The following DAGLA variants were observed in gnomAD, a reference collection of about 807,000 sequenced individuals.
DAGLA encodes the protein diacylglycerol lipase alpha, also known as diacylglycerol lipase-alpha.
DAGLA carries 22 observed loss-of-function variants against 102.6 expected under a neutral mutation model. The observed-to-expected ratio is 0.21, with a 90% CI of 0.15 to 0.31. The LOEUF (loss-of-function observed/expected upper bound fraction) is 0.31, where lower values mean the gene tolerates loss of function less well. Among genes scored for constraint, DAGLA ranks in the 10% least tolerant of loss-of-function variants. The pLI is 1.00. For synonymous variants in DAGLA, 578 were observed against 628.9 expected (o/e 0.92, Z 1.21); for missense variants, 927 against 1,446.6 (o/e 0.64, Z 5.83).
chr11:61,683,299 G>T (rs1224217702), intron 1 of DAGLA, among the ~76,000 whole-genome samples: 2 of 152,128 alleles, frequency 1.3e-5, no homozygotes, highest in African/African-American at 2.4e-5. Context: ...CTATGGACTC[G>T]CCCTGTCCCC....
chr11:61,700,492 G>T (rs2065101039), intron 1 of DAGLA, among the ~76,000 whole-genome samples: 2 of 152,220 alleles, frequency 1.3e-5, no homozygotes, highest in South Asian at 2.1e-4. Context: ...CCTCCTGAGG[G>T]TGTGGCCTGC....
At chr11:61,729,695 G>A (rs1367725266) in intron 8 of DAGLA, among the ~76,000 whole-genome samples, 1 of 152,218 alleles carries the variant, frequency 6.6e-6, no homozygotes, top group African/African-American at 2.4e-5. Flanking sequence ...TGTGCTGAGA[G>A]GACACGAGCC....
At chr11:61,739,883 G>T (rs2065462555) in intron 17 of DAGLA, among the ~76,000 whole-genome samples, 1 of 152,204 alleles carries the variant, frequency 6.6e-6, no homozygotes, top group Non-Finnish European at 1.5e-5. Flanking sequence ...CCATAGTCTG[G>T]CTTTGCCTCC....
At chr11:61,690,277 A>G (rs757293079) in intron 1 of DAGLA, among the ~76,000 whole-genome samples, 2 of 152,216 alleles carry the variant, frequency 1.3e-5, no homozygotes, top group Non-Finnish European at 2.9e-5. Flanking sequence ...TGGAGCAGAT[A>G]ATAGTTTTGC....
In DAGLA at chr11:61,744,183, C is replaced by A; in HGVS notation, c.2823C>A (p.Ser941Arg). The change falls in exon 20 of 20, where the codon AGC (serine) becomes AGA (arginine). Residue 941 changes from serine to arginine, a missense_variant. This residue lies in a region of DAGLA where 434 missense variants were observed against 503.3 expected (regional missense o/e 0.86). Transcript: ENST00000257215. ...TCTACTGCATGGTGGTGCCCGAGAG[C>A]CCCACCAGTGACTACGCTGAGGGCC... is the stretch of plus-strand genomic sequence containing the variant. The part of the protein sequence containing the change: ...QDLYCMVVPE[S>R]PTSDYAEGPK... The A allele has an allele frequency of 6.2e-7, 1 of 1,613,054 alleles. No individual in the cohort carries two copies.
Position 61,722,839 on chromosome 11 carries a change from C to T in DAGLA, c.308-20C>T, listed in dbSNP as rs1308663525. On this transcript the variant is annotated intron_variant, in intron 3 of 19. Transcript: ENST00000257215. ...ATGCAAGTGGCAGCCATCCTTCAGC[C>T]AGGCCTGCTCTCCTTGCAGCCATCC... The T allele has an allele frequency of 6.2e-6, 10 of 1,607,240 alleles. No individual in the cohort carries two copies. The highest frequency in any genetic ancestry group is 8.5e-6 in the Non-Finnish European group (10 of 1,173,902).
At chr11:61,727,794 T>C (rs889472670) in intron 6 of DAGLA, among the ~76,000 whole-genome samples, 2 of 152,146 alleles carry the variant, frequency 1.3e-5, no homozygotes, top group African/African-American at 4.8e-5. Context: ...AGAGAATGGC[T>C]AGAGGAGAAA....
In DAGLA at chr11:61,744,100, G is replaced by A. The variant is rs1242695760; in HGVS notation, c.2740G>A (p.Ala914Thr). Residue 914 changes from alanine to threonine, a missense_variant, in exon 20 of 20, where the codon GCC becomes ACC. Physicochemically the swap from Ala to Thr is moderately conservative, Grantham distance 58. This residue lies in a region of DAGLA where 434 missense variants were observed against 503.3 expected (regional missense o/e 0.86). Coordinates refer to ENST00000257215, the MANE Select transcript of DAGLA (RefSeq NM_006133.3). ...GCCCAGTCCTCAGGTGCTGGAATTC[G>A]CCGAGTTCATCGACAGCCTCTTCAA... The part of the protein sequence containing the change: ...DSPSPQVLEF[A>T]EFIDSLFNLD... 5 of 1,612,944 alleles carry A rather than the reference G, an allele frequency of 3.1e-6. No homozygotes were observed. Among genetic ancestry groups the A allele is most frequent in the Admixed American group, 1.7e-5 (1 of 60,030 alleles).
chr11:61,687,621 C>T (rs2064996054), intron 1 of DAGLA, among the ~76,000 whole-genome samples: 2 of 152,186 alleles, frequency 1.3e-5, no homozygotes, highest in Non-Finnish European at 1.5e-5. Flanking sequence ...GCATGAGCCA[C>T]CGCGCCTGGC....
chr11:61,697,196 T>C (rs1171054531), intron 1 of DAGLA, among the ~76,000 whole-genome samples: 1 of 152,190 alleles, frequency 6.6e-6, no homozygotes, highest in Non-Finnish European at 1.5e-5. Flanking sequence ...GGCTGTTGGC[T>C]GTGCAAATTC....
At chr11:61,717,639 T>C (rs193252245) in intron 1 of DAGLA, among the ~76,000 whole-genome samples, 2 of 152,280 alleles carry the variant, frequency 1.3e-5, no homozygotes, top group East Asian at 3.9e-4. Flanking sequence ...AGAGCCCAGG[T>C]TCAAAACCAG....
rs767766941 is a variant in DAGLA, at chr11:61,741,239, C to T, written c.2061C>T (p.Asp687=). 2 of 1,613,480 alleles carry T rather than the reference C, an allele frequency of 1.2e-6. No homozygotes were observed. Among genetic ancestry groups the T allele is most frequent in the Non-Finnish European group, 1.7e-6 (2 of 1,180,022 alleles). Residue 687 remains aspartate (D), a synonymous_variant, in exon 19 of 20, where the codon GAC becomes GAT. Coordinates refer to ENST00000257215, the MANE Select transcript of DAGLA (RefSeq NM_006133.3). ...AKVMVSPTEV[D]LTPELIFQQQ... ...TCATGGTGAGCCCTACCGAGGTGGACCTGACTCCTGAGCTCATCTTCCAGC... is the reference window on the plus strand; with the variant it reads ...TCATGGTGAGCCCTACCGAGGTGGATCTGACTCCTGAGCTCATCTTCCAGC...
In DAGLA at chr11:61,739,491, A is replaced by C; in HGVS notation, c.1683A>C (p.Lys561Asn). ...GGCGGATCATCGTGGGGGCCACCAA[A>C]TGCATCCCCAAGTCGGAGCTGCCTG... ...PKWRIIVGAT[K>N]CIPKSELPEE... Residue 561 changes from lysine to asparagine, a missense_variant, in exon 17 of 20, where the codon AAA (lysine) becomes AAC (asparagine). Coordinates refer to ENST00000257215, the MANE Select transcript of DAGLA (RefSeq NM_006133.3). The C allele has an allele frequency of 6.2e-7, 1 of 1,613,704 alleles. No individual in the cohort carries two copies. The highest frequency in any genetic ancestry group is 1.1e-5 in the South Asian group (1 of 91,054).
chr11:61,744,500 G>A lies in DAGLA; in HGVS notation c.*11G>A. ...ATCTCAGCACGCTAGCACCCCAGTT[G>A]CGTGGCCAGCCGGGCCCAGGCAGGA... On this transcript the variant is annotated 3_prime_UTR_variant, in exon 20 of 20. Transcript: ENST00000257215. 1 of 1,531,700 alleles carries A rather than the reference G, an allele frequency of 6.5e-7. No individual in the cohort carries two copies. The highest frequency in any genetic ancestry group is 2.3e-5 in the East Asian group (1 of 44,022). 94.9% of individuals were successfully genotyped at this position (1,531,700 alleles called of 1,614,324 possible).
rs201829391 is a variant in DAGLA, at chr11:61,720,661, C to T, written c.96-18C>T. The T allele has an allele frequency of 2.8e-3, 4,497 of 1,611,988 alleles. 97 individuals carry two copies. In the South Asian group the frequency reaches 0.031, roughly 11 times the overall value. On this transcript the variant is annotated intron_variant, in intron 2 of 19. Transcript: ENST00000257215. ...CAGGGGCCACCTGGCCTTGCTCACA[C>T]GGGCGTTCCTGTGACAGGTTTGTGA... is the stretch of plus-strand genomic sequence containing the variant.
chr11:61,718,319 A>G lies in DAGLA; in HGVS notation c.-44-1793A>G, dbSNP rs2065253630. Among the ~76,000 whole-genome samples the G allele has an allele frequency of 3.3e-5, 5 of 151,982 alleles. No individual in the cohort carries two copies. In the South Asian group the frequency reaches 1.0e-3, roughly 31 times the overall value. ...CCAGCCTCTAGATTCATTCCATTTC[A>G]TTCTGTTCCATTCATGTGAGGGGCT... On this transcript the variant is annotated intron_variant, in intron 1 of 19. Coordinates refer to ENST00000257215, the MANE Select transcript of DAGLA (RefSeq NM_006133.3).
At chr11:61,716,664 AC>A (rs1250425728) in intron 1 of DAGLA, among the ~76,000 whole-genome samples, 2 of 152,152 alleles carry the variant, frequency 1.3e-5, no homozygotes, top group Non-Finnish European at 2.9e-5. Context: ...CTGAGGTTGC[AC>A]CGCCTGTCGC....
chr11:61,708,536 A>G (rs1468265956), intron 1 of DAGLA, among the ~76,000 whole-genome samples: 2 of 151,728 alleles, frequency 1.3e-5, no homozygotes, highest in African/African-American at 2.4e-5. Flanking sequence ...TCCCGCCATC[A>G]TGCCCAGCTA....
intron 5 of DAGLA, among the ~76,000 whole-genome samples, chr11:61,725,192 T>G (rs933079295): frequency 3.9e-5 from 6 of 152,208 alleles, no homozygotes; most frequent in Non-Finnish European, 7.3e-5. Flanking sequence ...AGGTCTGCAC[T>G]TTTAATGTTG....
Sources: gnomAD v4.1 joint callset for allele counts (sites outside exome capture counted in the v4.1 genomes callset) on GRCh38, gnomAD v4.1.1 for gene constraint, gnomAD v4.1.1 regional missense constraint, MANE v1.5 for transcripts, NCBI Gene and HGNC (gene_info 2026-07-23, HGNC 2026-07-21) for gene names.